Variants in ATP8A2 observed in about 807,000 individuals in gnomAD.
ATP8A2 encodes phospholipid-transporting ATPase IB.
ATP8A2 carries 100 observed loss-of-function variants against 165.6 expected under a neutral mutation model. The ratio of observed to expected loss-of-function variants is 0.60; its 90% CI spans 0.51 to 0.71. The LOEUF (loss-of-function observed/expected upper bound fraction) is 0.71. Ranked by LOEUF, ATP8A2 falls within the 30% of genes least tolerant of loss-of-function variation. The pLI, the probability that ATP8A2 is intolerant of heterozygous loss-of-function variation, is 0.00. For missense variants in ATP8A2, 1,227 were observed against 1,479.5 expected, an observed-to-expected ratio of 0.83 and a Z score of 2.80; for synonymous variants, 543 against 548.8, an observed-to-expected ratio of 0.99 and a Z score of 0.15.
At chr13:25,980,733 C>T (rs1328555950) in intron 35 of ATP8A2, among the ~76,000 whole-genome samples, 5 of 152,192 alleles carry the variant, frequency 3.3e-5, no homozygotes, top group African/African-American at 2.4e-5. Context: ...TAGCCAGGCA[C>T]GGTGGCATGC....
At chr13:25,468,286 C>G (rs556681750) in intron 1 of ATP8A2, among the ~76,000 whole-genome samples, 1 of 152,168 alleles carries the variant, frequency 6.6e-6, no homozygotes, top group Non-Finnish European at 1.5e-5. Flanking sequence ...AATGAAAGCT[C>G]GAGCGCTGGT....
At chr13:25,651,398 A>C (rs1047678908) in intron 24 of ATP8A2, among the ~76,000 whole-genome samples, 51 of 152,036 alleles carry the variant, frequency 3.4e-4, no homozygotes, top group Non-Finnish European at 5.3e-4. Context: ...AATCAAGATC[A>C]CGCCACTGCA....
In ATP8A2 at chr13:25,745,003, C is replaced by T. The variant is rs553447011; in HGVS notation, c.2385-24043C>T. ...TCACCCAGGCTGGAGTGCAGTGGCACGATCTTGGCTCACTACAACCTCCGC... is the reference window on the plus strand; with the variant it reads ...TCACCCAGGCTGGAGTGCAGTGGCATGATCTTGGCTCACTACAACCTCCGC... On this transcript the variant is annotated intron_variant, in intron 25 of 36. Transcript: ENST00000381655. 7.5e-4 allele frequency among the ~76,000 whole-genome samples: 114 copies of T among 152,064 alleles called. 2 individuals are homozygous for T. Among genetic ancestry groups the T allele is most frequent in the African/African-American group, 2.6e-3 (109 of 41,470 alleles).
intron 25 of ATP8A2, among the ~76,000 whole-genome samples, chr13:25,756,097 C>T (rs1358748426): frequency 6.6e-6 from 1 of 152,186 alleles, no homozygotes; most frequent in Non-Finnish European, 1.5e-5. Flanking sequence ...CCAGCACTAG[C>T]TCTCAGCCTG....
chr13:25,716,281 CT>C (rs2043253351), intron 25 of ATP8A2, among the ~76,000 whole-genome samples: 1 of 152,136 alleles, frequency 6.6e-6, no homozygotes, highest in Non-Finnish European at 1.5e-5. Context: ...ATTGGGCTGT[CT>C]TTTCACTTGA....
At chr13:25,814,250 A>G (rs927349957) in intron 27 of ATP8A2, among the ~76,000 whole-genome samples, 5 of 152,228 alleles carry the variant, frequency 3.3e-5, no homozygotes, top group Non-Finnish European at 5.9e-5. Flanking sequence ...ATAATATGCC[A>G]GAAATTATAT....
chr13:25,676,778 A>G (rs1198158046), intron 24 of ATP8A2, among the ~76,000 whole-genome samples: 4 of 152,206 alleles, frequency 2.6e-5, no homozygotes, highest in Admixed American at 2.6e-4. Context: ...GTAGAAAACT[A>G]TAACAGAGAA....
chr13:25,637,184 A>G (rs890831156), intron 24 of ATP8A2, among the ~76,000 whole-genome samples: 7 of 151,436 alleles, frequency 4.6e-5, no homozygotes, highest in African/African-American at 1.7e-4. Context: ...AGCATGAGCG[A>G]TGCAGAAGAT....
chr13:25,786,538 TTAA>T (rs1398384879), intron 27 of ATP8A2, among the ~76,000 whole-genome samples: 2 of 152,348 alleles, frequency 1.3e-5, no homozygotes, highest in East Asian at 3.9e-4. Flanking sequence ...GCATGTTGTT[TTAA>T]TAATCTTTTT....
intron 25 of ATP8A2, among the ~76,000 whole-genome samples, chr13:25,709,022 TGTTAAC>T (rs2043107198): frequency 1.3e-5 from 2 of 152,020 alleles, no homozygotes; most frequent in African/African-American, 2.4e-5. Context: ...TGTTGTTTCT[TGTTAAC>T]CAGTTAACTG....
intron 27 of ATP8A2, among the ~76,000 whole-genome samples, chr13:25,793,770 G>T (rs1375139820): frequency 6.6e-6 from 1 of 152,040 alleles, no homozygotes; most frequent in Non-Finnish European, 1.5e-5. Context: ...ATATGTCACG[G>T]TGAAGGCCAC....
intron 2 of ATP8A2, among the ~76,000 whole-genome samples, chr13:25,479,369 A>G (rs1344933950): frequency 6.6e-6 from 1 of 152,232 alleles, no homozygotes; most frequent in Non-Finnish European, 1.5e-5. Flanking sequence ...TTAACCTAGT[A>G]AAATGGTTTT....
intron 1 of ATP8A2, among the ~76,000 whole-genome samples, chr13:25,455,822 A>G (rs1467871775): frequency 2.0e-5 from 3 of 152,184 alleles, no homozygotes; most frequent in African/African-American, 7.2e-5. Context: ...ATCTGTTATA[A>G]CACATCTTAT....
chr13:25,911,496 AGG>A (rs974765386), intron 33 of ATP8A2, among the ~76,000 whole-genome samples: 2 of 151,828 alleles, frequency 1.3e-5, no homozygotes. Context: ...TGAGCTTAAC[AGG>A]GGGAAAATGT....
chr13:25,898,465 C>T (rs560154640), intron 33 of ATP8A2, among the ~76,000 whole-genome samples: 78 of 152,194 alleles, frequency 5.1e-4, no homozygotes, highest in Admixed American at 3.3e-4. Context: ...TTAGGCTACT[C>T]GGGGGTCAGG....
intron 1 of ATP8A2, among the ~76,000 whole-genome samples, chr13:25,383,023 G>A (rs761471480): frequency 6.7e-6 from 1 of 150,326 alleles, no homozygotes; most frequent in Non-Finnish European, 1.5e-5. Flanking sequence ...CCAAAGTGCT[G>A]GGATTACAGG....
intron 30 of ATP8A2, among the ~76,000 whole-genome samples, chr13:25,859,029 C>G (rs1201223804): frequency 6.6e-6 from 1 of 151,842 alleles, no homozygotes; most frequent in Non-Finnish European, 1.5e-5. Context: ...ATGGTAAAAC[C>G]CTGTCTCTAC....
chr13:25,450,730 A>G (rs2035201078), intron 1 of ATP8A2, among the ~76,000 whole-genome samples: 1 of 151,920 alleles, frequency 6.6e-6, no homozygotes, highest in South Asian at 2.1e-4. Context: ...ACGGGGTTTC[A>G]CCATGTTAGC....
In ATP8A2 at chr13:25,942,606, T is replaced by C. The variant is rs527879269; in HGVS notation, c.3184-18969T>C. On this transcript the variant is annotated intron_variant, in intron 33 of 36. Transcript: ENST00000381655. Reference sequence around the variant, plus strand: ...CCCAGCTAATTTTTTGTGTTTTAAGTACAGATGGGGTTTCACCATGTTGGC... The same window carrying C: ...CCCAGCTAATTTTTTGTGTTTTAAGCACAGATGGGGTTTCACCATGTTGGC... Among the ~76,000 whole-genome samples the C allele has an allele frequency of 5.3e-5, 8 of 152,296 alleles. No homozygotes were observed. The South Asian group carries it at 1.7e-3, about 32-fold the overall frequency.
Sources: allele counts gnomAD v4.1 joint callset (sites outside exome capture counted in the v4.1 genomes callset), GRCh38; gene constraint gnomAD v4.1.1; transcripts MANE v1.5; gene names NCBI Gene and HGNC (gene_info 2026-07-23, HGNC 2026-07-21).